Variants in ACOT9 observed in about 807,000 individuals in gnomAD.
The protein encoded by ACOT9 is acyl-CoA thioesterase 9, also known as acyl-coenzyme A thioesterase 9, mitochondrial.
A neutral mutation model predicts 39.7 loss-of-function variants in ACOT9; 34 were observed. The observed-to-expected ratio is 0.86, with a 90% CI of 0.65 to 1.14. ACOT9 has a LOEUF of 1.14. Among genes scored for constraint, ACOT9 ranks in the 50% most tolerant of loss-of-function variants. The pLI is 0.00. For missense variants in ACOT9, 313 were observed against 344.1 expected, an observed-to-expected ratio of 0.91 and a Z score of 0.71; for synonymous variants, 110 against 120.5, an observed-to-expected ratio of 0.91 and a Z score of 0.57.
intron 9 of ACOT9, among the ~76,000 whole-genome samples, chrX:23,709,855 A>G (rs1418479617): frequency 1.8e-5 from 2 of 112,074 alleles, no homozygotes; most frequent in Non-Finnish European, 3.8e-5. Flanking sequence ...TGAAGTCTAT[A>G]TGGTTAAATG....
chrX:23,734,371 T>C lies in ACOT9; in HGVS notation c.119-4A>G. ...TTCACATGTATAGATGAACATGCTA[T>C]ATGAATAAAGGGAAAATCAATTAGA... On this transcript the variant is annotated splice_polypyrimidine_tract_variant and splice_region_variant and intron_variant, in intron 2 of 15. Transcript: ENST00000379303. 8.5e-7 allele frequency: 1 copy of C among 1,180,543 alleles called. No individual in the cohort carries two copies. Among genetic ancestry groups the C allele is most frequent in the Non-Finnish European group, 1.1e-6 (1 of 873,589 alleles).
At chrX:23,724,329 T>C (rs4828895) in intron 6 of ACOT9, among the ~76,000 whole-genome samples, 17,732 of 111,216 alleles carry the variant, frequency 0.16, 1,232 homozygotes, top group East Asian at 0.36. Context: ...GAAGAGCCTA[T>C]GGCACATCCA....
intron 6 of ACOT9, among the ~76,000 whole-genome samples, chrX:23,728,711 G>A (rs979417543): frequency 1.8e-5 from 2 of 111,541 alleles, no homozygotes; most frequent in Admixed American, 9.6e-5. Flanking sequence ...CACTCCCAAC[G>A]CACATATCTC....
Position 23,706,644 on chromosome X carries a change from T to C in ACOT9, c.826A>G (p.Ser276Gly). ...CATCCTTACTTTGGATCCAGTGTGCTGAGAAACATCTCATGTATGGTGGTC... is the reference window on the plus strand; with the variant it reads ...CATCCTTACTTTGGATCCAGTGTGCCGAGAAACATCTCATGTATGGTGGTC... Reference protein sequence around the residue: ...ERTTIHEMFLSTLDPKTISFR... With the variant: ...ERTTIHEMFLGTLDPKTISFR... Residue 276 changes from serine (S) to glycine (G), a missense_variant, in exon 11 of 16, where the codon AGC (serine) becomes GGC (glycine). Transcript: ENST00000379303. 8.3e-7 allele frequency: 1 copy of C among 1,201,933 alleles called. No homozygotes were observed. Among genetic ancestry groups the C allele is most frequent in the Non-Finnish European group, 1.1e-6 (1 of 888,250 alleles).
At chrX:23,725,654 T>G (rs912377862) in intron 6 of ACOT9, among the ~76,000 whole-genome samples, 2 of 105,450 alleles carry the variant, frequency 1.9e-5, no homozygotes, top group African/African-American at 3.5e-5. Context: ...TTGTCTCTAC[T>G]AAAAATCAAA....
chrX:23,723,359 T>G (rs1929386089), intron 6 of ACOT9, among the ~76,000 whole-genome samples: 1 of 111,432 alleles, frequency 9.0e-6, no homozygotes, highest in Admixed American at 9.6e-5. Flanking sequence ...GCTCAGCCTG[T>G]AATCCCAGCA....
At chrX:23,713,284 G>A (rs374313866) in intron 8 of ACOT9, 76 bp from the exon 9 acceptor site, 9 of 858,049 alleles carry the variant, frequency 1.0e-5, no homozygotes, top group Admixed American at 2.4e-5. Context: ...TCTAACAGAC[G>A]GTATGTATGC....
intron 8 of ACOT9, among the ~76,000 whole-genome samples, chrX:23,719,578 A>C (rs1226010729): frequency 3.7e-5 from 4 of 107,313 alleles, no homozygotes; most frequent in Non-Finnish European, 7.7e-5. Context: ...GCTGGGGGGG[A>C]TGGTTTTGGG....
chrX:23,712,594 G>A (rs1367441665), intron 9 of ACOT9, among the ~76,000 whole-genome samples: 2 of 110,689 alleles, frequency 1.8e-5, no homozygotes, highest in African/African-American at 3.3e-5. Flanking sequence ...GGCTTTTAGT[G>A]TATTCACAGA....
intron 6 of ACOT9, among the ~76,000 whole-genome samples, chrX:23,729,583 T>C (rs909373095): frequency 6.3e-5 from 7 of 111,534 alleles, no homozygotes; most frequent in South Asian, 3.7e-4. Context: ...GGGGGTGATG[T>C]GGCATCATGT....
intron 1 of ACOT9, among the ~76,000 whole-genome samples, chrX:23,740,741 CACACACACACACACACACACA>C (rs1930113127): frequency 1.9e-5 from 2 of 103,113 alleles, no homozygotes; most frequent in South Asian, 4.5e-4. Flanking sequence ...CACACACACA[CACACACACACACACACACACA>C]CCGCACTGAG....
intron 6 of ACOT9, among the ~76,000 whole-genome samples, chrX:23,724,204 GT>G (rs1286804239): frequency 1.8e-5 from 2 of 111,115 alleles, no homozygotes; most frequent in African/African-American, 6.6e-5. Flanking sequence ...CAAGACTGTA[GT>G]TAGCCATGAT....
At position 23,703,639 on chromosome X, in the gene ACOT9, A is replaced by G. The variant is rs1928558127; in HGVS notation, c.*255T>C. ...AGCCTCTCAATTTTTTTGTTTTTTCAGAAGATGGGAGGCAACATGGTAGGT... is the reference window on the plus strand; with the variant it reads ...AGCCTCTCAATTTTTTTGTTTTTTCGGAAGATGGGAGGCAACATGGTAGGT... On this transcript the variant is annotated 3_prime_UTR_variant, in exon 16 of 16. Transcript: ENST00000379303. 1 of 252,922 alleles carries G rather than the reference A, an allele frequency of 4.0e-6. No individual in the cohort carries two copies. Among genetic ancestry groups the G allele is most frequent in the Non-Finnish European group, 7.0e-6 (1 of 142,628 alleles). 20.8% of individuals were successfully genotyped at this position (252,922 alleles called of 1,213,427 possible). A position where few individuals can be genotyped will look rare whatever the true frequency, so the allele number is the denominator to read the frequency against.
intron 6 of ACOT9, among the ~76,000 whole-genome samples, chrX:23,724,861 C>T (rs940170256): frequency 9.0e-6 from 1 of 110,934 alleles, no homozygotes; most frequent in African/African-American, 3.3e-5. Context: ...CACTTGAGCC[C>T]GCAAGTTTAA....
At chrX:23,730,092 A>ATTTT (rs34896210) in intron 6 of ACOT9, among the ~76,000 whole-genome samples, 831 of 78,369 alleles carry the variant, frequency 0.011, 42 homozygotes, top group African/African-American at 0.024. Context: ...AGTAGATGCC[A>ATTTT]TTTTTTTTTT....
In ACOT9 at chrX:23,718,135, G is replaced by GT. The variant is rs778288128; in HGVS notation, c.588+3745dup. 3.6e-5 allele frequency among the ~76,000 whole-genome samples: 4 copies of GT among 110,450 alleles called. No individual in the cohort carries two copies. In the South Asian group the frequency reaches 1.5e-3, roughly 42 times the overall value. The stretch of plus-strand genomic sequence containing the variant: ...CAGTGGTTACTGTGTGATAGGCACT[G>GT]TACCAAAGTACTTCACATGAATGGG... On this transcript the variant is annotated intron_variant, in intron 8 of 15. Transcript: ENST00000379303.
At chrX:23,712,591 A>G (rs1297008814) in intron 9 of ACOT9, among the ~76,000 whole-genome samples, 1 of 110,811 alleles carries the variant, frequency 9.0e-6, no homozygotes, top group African/African-American at 3.3e-5. Flanking sequence ...AACGGCTTTT[A>G]GTGTATTCAC....
In ACOT9 at chrX:23,733,218, C is replaced by G; in HGVS notation, c.146-1G>C. The G allele has an allele frequency of 8.3e-7, 1 of 1,206,367 alleles. No homozygotes were observed. The highest frequency in any genetic ancestry group is 1.1e-6 in the Non-Finnish European group (1 of 891,474). On this transcript the variant is annotated splice_acceptor_variant, in intron 3 of 15. Transcript: ENST00000379303. LOFTEE classifies it high-confidence loss of function. ...ACTATCTCCCGCAACTTATCTCGAA[C>G]TGAAACAAAAATAAAGAGGTCATTC...
intron 2 of ACOT9, among the ~76,000 whole-genome samples, chrX:23,735,482 G>A (rs1164025922): frequency 1.8e-5 from 2 of 110,676 alleles, no homozygotes; most frequent in Non-Finnish European, 3.8e-5. Context: ...TAATTATAAC[G>A]AATACTCCTA....
Sources: gnomAD v4.1 joint callset for allele counts (sites outside exome capture counted in the v4.1 genomes callset) on GRCh38, gnomAD v4.1.1 for gene constraint, MANE v1.5 for transcripts, NCBI Gene and HGNC (gene_info 2026-07-23, HGNC 2026-07-21) for gene names.